Variants in MAP4K4 observed in about 807,000 individuals in gnomAD.
MAP4K4 encodes the protein HPK/GCK-like kinase HGK.
MAP4K4 carries 38 observed loss-of-function variants against 189.6 expected under a neutral mutation model. The observed-to-expected ratio is 0.20, with a 90% CI of 0.15 to 0.26. The LOEUF (loss-of-function observed/expected upper bound fraction) is 0.26, where lower values mean the gene tolerates loss of function less well. Among genes scored for constraint, MAP4K4 ranks in the 10% least tolerant of loss-of-function variants. MAP4K4 has a pLI of 1.00. For missense variants in MAP4K4, 1,054 were observed against 1,726.9 expected (o/e 0.61, Z 6.91); for synonymous variants, 610 against 624.3 (o/e 0.98, Z 0.34).
At chr2:101,716,060 AG>A (rs980946204) in intron 2 of MAP4K4, among the ~76,000 whole-genome samples, 2 of 152,158 alleles carry the variant, frequency 1.3e-5, no homozygotes, top group African/African-American at 4.8e-5. Flanking sequence ...TCATGGAAAA[AG>A]TTTCTTCATG....
chr2:101,834,539 G>A, intron 8 of MAP4K4, 76 bp downstream of exon 8: 2 of 1,150,078 alleles, frequency 1.7e-6, no homozygotes, highest in South Asian at 1.3e-5. Flanking sequence ...AAAAAGAACA[G>A]CTCAGCTCCA....
At chr2:101,712,946 A>G (rs893809184) in intron 2 of MAP4K4, among the ~76,000 whole-genome samples, 2 of 141,600 alleles carry the variant, frequency 1.4e-5, no homozygotes, top group Admixed American at 1.4e-4. Context: ...TCTGTCACCC[A>G]AGTTGGAGTG....
rs2098561748 is a variant in MAP4K4 at position 101,891,148 on chromosome 2, CTT to C, written c.4072-15_4072-14del. ...CATGACCATGGTAACCATTCCCTCT[CTT>C]TTCTTGCTTTTGCAGGTGTTCTTTG... On this transcript the variant is annotated splice_polypyrimidine_tract_variant and intron_variant, in intron 32 of 32. Coordinates refer to ENST00000324219, the Ensembl canonical transcript of MAP4K4. 6.2e-7 allele frequency: 1 copy of C among 1,607,746 alleles called. No homozygotes were observed. The highest frequency in any genetic ancestry group is 1.7e-5 in the Admixed American group (1 of 59,990).
intron 3 of MAP4K4, among the ~76,000 whole-genome samples, chr2:101,792,209 G>A (rs554974304): frequency 6.6e-6 from 1 of 152,252 alleles, no homozygotes; most frequent in East Asian, 1.9e-4. Flanking sequence ...GCATCTTGCC[G>A]GTGCTGTGTT....
intron 12 of MAP4K4, among the ~76,000 whole-genome samples, chr2:101,855,434 G>A (rs181010740): frequency 6.6e-6 from 1 of 152,270 alleles, no homozygotes; most frequent in East Asian, 1.9e-4. Context: ...ACTTAGCATA[G>A]TGCCAGGCAC....
intron 3 of MAP4K4, among the ~76,000 whole-genome samples, chr2:101,821,287 A>G (rs1402553481): frequency 6.6e-6 from 1 of 152,206 alleles, no homozygotes; most frequent in Non-Finnish European, 1.5e-5. Flanking sequence ...TGTAGAATAT[A>G]TAGTTGTGCA....
At chr2:101,735,252 G>A (rs1304888111) in intron 2 of MAP4K4, among the ~76,000 whole-genome samples, 1 of 152,064 alleles carries the variant, frequency 6.6e-6, no homozygotes, top group Non-Finnish European at 1.5e-5. Flanking sequence ...GGTGTAGAAA[G>A]TATGTGGGGG....
At chr2:101,700,410 A>G (rs1372402721) in intron 2 of MAP4K4, among the ~76,000 whole-genome samples, 1 of 152,230 alleles carries the variant, frequency 6.6e-6, no homozygotes, top group Non-Finnish European at 1.5e-5. Context: ...CTCTGACTAC[A>G]AAGTCGGTAC....
intron 12 of MAP4K4, among the ~76,000 whole-genome samples, chr2:101,853,652 G>A (rs1347025259): frequency 1.3e-5 from 2 of 152,052 alleles, no homozygotes; most frequent in Non-Finnish European, 2.9e-5. Context: ...TGAAAGCCTC[G>A]CTGAATACCC....
Position 101,884,374 on chromosome 2 carries a change from G to A in MAP4K4, c.3521-813G>A, listed in dbSNP as rs148800968. 5.5e-3 allele frequency among the ~76,000 whole-genome samples: 831 copies of A among 152,226 alleles called. 5 individuals carry two copies. The highest frequency in any genetic ancestry group is 8.8e-3 in the Non-Finnish European group (597 of 68,010). On this transcript the variant is annotated intron_variant, in intron 28 of 32. Transcript: ENST00000324219. The stretch of plus-strand genomic sequence containing the variant: ...TCGCAGAAGTCTATGAAACAGTACC[G>A]GTTTTGTCAGACTGTTATAAACCTT...
At chr2:101,755,945 T>C (rs2072442525) in intron 2 of MAP4K4, among the ~76,000 whole-genome samples, 2 of 132,958 alleles carry the variant, frequency 1.5e-5, no homozygotes, top group South Asian at 2.6e-4. Flanking sequence ...TTTTTTTTTT[T>C]TTTTTTTTTT....
intron 2 of MAP4K4, among the ~76,000 whole-genome samples, chr2:101,744,260 A>G (rs1465254317): frequency 1.3e-5 from 2 of 152,228 alleles, no homozygotes; most frequent in Admixed American, 6.5e-5. Flanking sequence ...TATTTAACCT[A>G]TTTTAGCCAT....
intron 3 of MAP4K4, among the ~76,000 whole-genome samples, chr2:101,817,076 AT>A (rs2095773562): frequency 6.6e-6 from 1 of 151,756 alleles, no homozygotes. Flanking sequence ...TAGAGGTAAT[AT>A]TTGGTAGCAT....
intron 3 of MAP4K4, among the ~76,000 whole-genome samples, chr2:101,794,606 T>A (rs911082566): frequency 6.6e-6 from 1 of 152,210 alleles, no homozygotes; most frequent in Admixed American, 6.5e-5. Context: ...TGAAAATATT[T>A]GAGCATGCTT....
intron 2 of MAP4K4, among the ~76,000 whole-genome samples, chr2:101,699,981 G>C (rs930015443): frequency 2.1e-4 from 32 of 152,086 alleles, no homozygotes; most frequent in Non-Finnish European, 8.8e-5. Context: ...CATTCTCCCC[G>C]GTCTGTTGTT....
intron 2 of MAP4K4, among the ~76,000 whole-genome samples, chr2:101,701,114 C>T (rs2038383759): frequency 6.6e-6 from 1 of 151,810 alleles, no homozygotes; most frequent in Non-Finnish European, 1.5e-5. Flanking sequence ...AACATAATTT[C>T]AGGTAAAAAA....
rs370722656 is a variant in MAP4K4 at position 101,837,587 on chromosome 2, G to A, written c.773+1609G>A. 1.2e-4 allele frequency among the ~76,000 whole-genome samples: 19 copies of A among 152,044 alleles called. No homozygotes were observed. The East Asian group carries it at 2.3e-3, about 19-fold the overall frequency. On this transcript the variant is annotated intron_variant, in intron 9 of 32. Coordinates refer to ENST00000324219, the Ensembl canonical transcript of MAP4K4. ...ACTCTGGACATCCACGGGTGGCCAC[G>A]CCTAGGGAAACCATCAGTGTATATA...
At chr2:101,857,632 G>A (rs2097517838) in intron 13 of MAP4K4, among the ~76,000 whole-genome samples, 1 of 152,194 alleles carries the variant, frequency 6.6e-6, no homozygotes, top group African/African-American at 2.4e-5. Context: ...TGGAGGGTCA[G>A]ACATAGACAC....
chr2:101,864,983 A>T, exon 18 of MAP4K4: 1 of 1,579,754 alleles, frequency 6.3e-7, no homozygotes, highest in Non-Finnish European at 8.6e-7. Flanking sequence ...GAGATTCCCC[A>T]CTGCAGGGCA....
Sources: gnomAD v4.1 joint callset for allele counts (sites outside exome capture counted in the v4.1 genomes callset) on GRCh38, gnomAD v4.1.1 for gene constraint, MANE v1.5 for transcripts, NCBI Gene and HGNC (gene_info 2026-07-23, HGNC 2026-07-21) for gene names.